The following COBL variants were observed in gnomAD, a reference collection of about 807,000 sequenced individuals.
COBL encodes protein cordon-bleu.
A neutral mutation model predicts 98.8 loss-of-function variants in COBL; 51 were observed. That is an observed-to-expected ratio of 0.52 (90% CI 0.41 to 0.65). The LOEUF (loss-of-function observed/expected upper bound fraction) is 0.65. COBL is among the 30% of genes least tolerant of loss of function. The pLI is 0.00. For synonymous variants in COBL, 634 were observed against 651.7 expected (o/e 0.97, Z 0.41); for missense variants, 1,617 against 1,617.5 (o/e 1.00, Z 0.01).
At chr7:51,025,687 T>C (rs1787482451) in intron 11 of COBL, among the ~76,000 whole-genome samples, 1 of 152,158 alleles carries the variant, frequency 6.6e-6, no homozygotes, top group Non-Finnish European at 1.5e-5. Context: ...AGCAATAAAA[T>C]TCTGTCATTT....
intron 7 of COBL, 144 bp downstream of exon 7, chr7:51,085,022 T>C: frequency 8.2e-7 from 1 of 1,215,700 alleles, no homozygotes; most frequent in Non-Finnish European, 1.1e-6. Flanking sequence ...AATTATTTCT[T>C]TCCAGCCCTT....
chr7:51,168,093 G>T (rs977304507), intron 5 of COBL, among the ~76,000 whole-genome samples: 1 of 151,212 alleles, frequency 6.6e-6, no homozygotes, highest in African/African-American at 2.4e-5. Context: ...GCTTCTACAC[G>T]GCAAAGGAAA....
At position 51,028,884 on chromosome 7, in the gene COBL, T is replaced by C. The variant is rs953480800; in HGVS notation, c.2212A>G (p.Asn738Asp). 3 of 1,613,980 alleles carry C rather than the reference T, an allele frequency of 1.9e-6. No individual in the cohort carries two copies. In the African/African-American group the frequency reaches 4.0e-5, roughly 22 times the overall value. ...CCGGTGGCGTGAGGACTCACCAAGT[T>C]CCCCAGCTCGTCAATCTTAATGGCT... ...TGAIKIDELG[N>D]LVSPHATGIR... Residue 738 changes from asparagine (N) to aspartate (D), a missense_variant, in exon 10 of 13, where the codon AAC becomes GAC. Transcript: ENST00000265136.
At chr7:51,307,521 CAA>C (rs1802604513) in intron 1 of COBL, among the ~76,000 whole-genome samples, 1 of 152,106 alleles carries the variant, frequency 6.6e-6, no homozygotes, top group South Asian at 2.1e-4. Context: ...GCTCTAATGC[CAA>C]AATAAGGCAA....
intron 1 of COBL, among the ~76,000 whole-genome samples, chr7:51,250,696 C>T (rs1796652980): frequency 6.6e-6 from 1 of 152,174 alleles, no homozygotes; most frequent in Admixed American, 6.5e-5. Context: ...ACCCATATGG[C>T]TAAGCCATCA....
intron 12 of COBL, among the ~76,000 whole-genome samples, chr7:51,018,982 A>G (rs1241289288): frequency 7.4e-6 from 1 of 134,268 alleles, no homozygotes; most frequent in Non-Finnish European, 1.6e-5. Context: ...TTTTAAGCTC[A>G]CCAGCTATCG....
chr7:51,026,128 T>G (rs1787527254), intron 11 of COBL, among the ~76,000 whole-genome samples: 1 of 152,172 alleles, frequency 6.6e-6, no homozygotes, highest in Admixed American at 6.5e-5. Context: ...TAAACTCGAG[T>G]CCATACTGGC....
At chr7:51,121,699 A>G (rs1203389835) in intron 6 of COBL, among the ~76,000 whole-genome samples, 1 of 152,164 alleles carries the variant, frequency 6.6e-6, no homozygotes, top group East Asian at 1.9e-4. Context: ...TGCCTCAAAG[A>G]CAGGAATTGG....
intron 1 of COBL, among the ~76,000 whole-genome samples, chr7:51,240,998 C>T (rs6951228): frequency 0.048 from 7,339 of 152,270 alleles, 576 homozygotes; most frequent in African/African-American, 0.16. Flanking sequence ...GGCCTTGCCA[C>T]CCACCCACTT....
chr7:51,172,519 G>A (rs1169057304), intron 5 of COBL: 50 of 1,287,682 alleles, frequency 3.9e-5, no homozygotes, highest in Non-Finnish European at 4.9e-5. Flanking sequence ...CCGACAGCAC[G>A]AGCTGCTCAG....
chr7:51,275,725 G>A (rs1036469329), intron 1 of COBL, among the ~76,000 whole-genome samples: 1 of 152,190 alleles, frequency 6.6e-6, no homozygotes, highest in African/African-American at 2.4e-5. Context: ...GCCCACCCAG[G>A]AGGCCTGTCC....
At chr7:51,296,342 C>T (rs1355171747) in intron 1 of COBL, among the ~76,000 whole-genome samples, 1 of 152,110 alleles carries the variant, frequency 6.6e-6, no homozygotes. Flanking sequence ...GACAATATGA[C>T]AACACAGAGA....
At chr7:51,106,814 A>G (rs1468559843) in intron 6 of COBL, among the ~76,000 whole-genome samples, 1 of 152,166 alleles carries the variant, frequency 6.6e-6, no homozygotes, top group Non-Finnish European at 1.5e-5. Flanking sequence ...AGAAAGAAAA[A>G]TACTGGGCAT....
intron 8 of COBL, 87 bp downstream of exon 8, chr7:51,043,296 C>A (rs890674639): frequency 5.4e-5 from 71 of 1,319,134 alleles, no homozygotes; most frequent in Admixed American, 1.5e-4. Flanking sequence ...TGTGATAGCA[C>A]GTGTTGGATC....
At chr7:51,276,441 G>A (rs994993456) in intron 1 of COBL, among the ~76,000 whole-genome samples, 1 of 152,242 alleles carries the variant, frequency 6.6e-6, no homozygotes, top group Non-Finnish European at 1.5e-5. Flanking sequence ...CATACCCAGG[G>A]ACTGCACACA....
intron 5 of COBL, among the ~76,000 whole-genome samples, chr7:51,147,688 G>A (rs2129017624): frequency 6.6e-6 from 1 of 152,156 alleles, no homozygotes; most frequent in African/African-American, 2.4e-5. Context: ...GTATAAGCAT[G>A]CCAGGGCAAA....
chr7:51,233,494 T>C (rs940575134), intron 1 of COBL, among the ~76,000 whole-genome samples: 2 of 151,988 alleles, frequency 1.3e-5, no homozygotes, highest in African/African-American at 4.8e-5. Context: ...CCAAACCGAG[T>C]GGAAATCCTA....
chr7:51,267,743 T>A (rs1798358147), intron 1 of COBL, among the ~76,000 whole-genome samples: 1 of 151,882 alleles, frequency 6.6e-6, no homozygotes, highest in African/African-American at 2.4e-5. Context: ...CCAGCTAAGT[T>A]TTGTATTTTT....
intron 3 of COBL, among the ~76,000 whole-genome samples, chr7:51,192,462 C>T (rs1392336596): frequency 3.3e-5 from 5 of 152,056 alleles, no homozygotes; most frequent in African/African-American, 9.6e-5. Context: ...ACAAATTAGC[C>T]GGGTGTGGTG....
Sources: gnomAD v4.1 joint callset for allele counts (sites outside exome capture counted in the v4.1 genomes callset) on GRCh38, gnomAD v4.1.1 for gene constraint, MANE v1.5 for transcripts, NCBI Gene and HGNC (gene_info 2026-07-23, HGNC 2026-07-21) for gene names.